The following GSTCD variants were observed in gnomAD, a reference collection of about 807,000 sequenced individuals.
GSTCD encodes glutathione S-transferase C-terminal domain containing, also known as glutathione S-transferase C-terminal domain-containing protein.
Under a neutral mutation model 68.3 loss-of-function variants are expected in GSTCD, and 44 were observed. The observed-to-expected ratio is 0.64, with a 90% CI of 0.51 to 0.83. The LOEUF is 0.83. Ranked by LOEUF, GSTCD falls within the 40% of genes least tolerant of loss-of-function variation. The pLI, the probability that GSTCD is intolerant of heterozygous loss-of-function variation, is 0.00. For missense variants in GSTCD, 739 were observed against 735.9 expected, an observed-to-expected ratio of 1.00 and a Z score of -0.05; for synonymous variants, 273 against 255.2, an observed-to-expected ratio of 1.07 and a Z score of -0.67.
intron 8 of GSTCD, among the ~76,000 whole-genome samples, chr4:105,828,791 A>G (rs1723773201): frequency 6.6e-6 from 1 of 152,220 alleles, no homozygotes; most frequent in South Asian, 2.1e-4. Context: ...CAGAAACCTC[A>G]GAGGAAATGA....
At chr4:105,736,606 G>A (rs967595623) in intron 5 of GSTCD, among the ~76,000 whole-genome samples, 2 of 152,052 alleles carry the variant, frequency 1.3e-5, no homozygotes, top group Admixed American at 6.5e-5. Context: ...TTTGTGTTAG[G>A]AACAGTCAAA....
At chr4:105,745,031 A>C (rs1026064069) in intron 5 of GSTCD, among the ~76,000 whole-genome samples, 1 of 152,226 alleles carries the variant, frequency 6.6e-6, no homozygotes, top group Non-Finnish European at 1.5e-5. Flanking sequence ...ATACAGATAC[A>C]TCTAATTCAA....
Position 105,814,378 on chromosome 4 carries a change from C to T in GSTCD, c.1241-8576C>T, listed in dbSNP as rs575164192. The stretch of plus-strand genomic sequence containing the variant: ...CTGTAATCCCAGCACTTTGGGAGGC[C>T]GAGGCTGTTGGATCACCTGAGGTCA... On this transcript the variant is annotated intron_variant, in intron 5 of 11. Coordinates refer to ENST00000515279, the MANE Select transcript of GSTCD (RefSeq NM_001370181.1). Among the ~76,000 whole-genome samples the T allele has an allele frequency of 1.7e-3, 262 of 152,154 alleles. 1 individual carries two copies. The highest frequency in any genetic ancestry group is 2.8e-3 in the Non-Finnish European group (193 of 67,988).
chr4:105,765,277 A>G (rs945598205), intron 5 of GSTCD, among the ~76,000 whole-genome samples: 1 of 152,212 alleles, frequency 6.6e-6, no homozygotes, highest in African/African-American at 2.4e-5. Context: ...GGTAAAACTC[A>G]TTTGATCAGT....
chr4:105,720,377 T>G (rs531269145), intron 3 of GSTCD, among the ~76,000 whole-genome samples: 52 of 152,322 alleles, frequency 3.4e-4, no homozygotes, highest in Non-Finnish European at 5.7e-4. Context: ...TTTTCCCTAC[T>G]AAGGAATCAG....
At chr4:105,716,726 T>C (rs1461846209) in intron 1 of GSTCD, among the ~76,000 whole-genome samples, 1 of 152,196 alleles carries the variant, frequency 6.6e-6, no homozygotes, top group Non-Finnish European at 1.5e-5. Context: ...ATGAAACTGG[T>C]CCGTGGTGCC....
intron 5 of GSTCD, among the ~76,000 whole-genome samples, chr4:105,755,759 AG>A (rs1734166261): frequency 6.6e-6 from 1 of 152,248 alleles, no homozygotes; most frequent in Admixed American, 6.5e-5. Context: ...AAGTCTGGAA[AG>A]GTAATCCAAG....
At chr4:105,812,759 C>G (rs1722808112) in intron 5 of GSTCD, among the ~76,000 whole-genome samples, 1 of 151,986 alleles carries the variant, frequency 6.6e-6, no homozygotes, top group South Asian at 2.1e-4. Flanking sequence ...TAGCATGTCT[C>G]TCATGCTGAT....
At chr4:105,762,720 A>C (rs761724873) in intron 5 of GSTCD, among the ~76,000 whole-genome samples, 2 of 152,180 alleles carry the variant, frequency 1.3e-5, no homozygotes, top group Non-Finnish European at 2.9e-5. Flanking sequence ...TCTCAGTTTT[A>C]AATTGATTCA....
intron 3 of GSTCD, 101 bp from the exon 4 acceptor site, chr4:105,726,478 T>G (rs1214319010): frequency 2.8e-6 from 2 of 718,570 alleles, no homozygotes; most frequent in East Asian, 5.4e-5. Flanking sequence ...GTTTGAACTA[T>G]ACACTTAAAT....
chr4:105,789,550 C>T (rs760120295), intron 5 of GSTCD, among the ~76,000 whole-genome samples: 2 of 152,012 alleles, frequency 1.3e-5, no homozygotes, highest in Non-Finnish European at 2.9e-5. Context: ...TTAGTTGCTA[C>T]GGGCCTCTCT....
At chr4:105,792,788 T>C (rs1356044601) in intron 5 of GSTCD, among the ~76,000 whole-genome samples, 1 of 152,046 alleles carries the variant, frequency 6.6e-6, no homozygotes, top group Non-Finnish European at 1.5e-5. Flanking sequence ...TTTTTTAGAA[T>C]TGTGAATCTT....
At chr4:105,736,474 T>C (rs1733467348) in intron 5 of GSTCD, among the ~76,000 whole-genome samples, 1 of 152,086 alleles carries the variant, frequency 6.6e-6, no homozygotes, top group African/African-American at 2.4e-5. Flanking sequence ...TATTTTTTCA[T>C]TGACACATAG....
intron 5 of GSTCD, among the ~76,000 whole-genome samples, chr4:105,762,865 G>A (rs62317671): frequency 0.12 from 18,788 of 152,052 alleles, 1,567 homozygotes; most frequent in Non-Finnish European, 0.18. Context: ...ATTTTGAAAG[G>A]TCAGTTAGTC....
At chr4:105,757,729 T>C (rs1298800073) in intron 5 of GSTCD, among the ~76,000 whole-genome samples, 1 of 152,196 alleles carries the variant, frequency 6.6e-6, no homozygotes, top group Non-Finnish European at 1.5e-5. Flanking sequence ...TATTTAATTG[T>C]AAATGCTGCA....
chr4:105,819,686 G>C (rs1723182524), intron 5 of GSTCD, among the ~76,000 whole-genome samples: 1 of 151,648 alleles, frequency 6.6e-6, no homozygotes, highest in Non-Finnish European at 1.5e-5. Context: ...ATTTGTGGTT[G>C]TCGTCTTCCC....
chr4:105,797,070 GTGTGTGTGTA>G (rs1361976424), intron 5 of GSTCD, among the ~76,000 whole-genome samples: 1 of 151,564 alleles, frequency 6.6e-6, no homozygotes, highest in Non-Finnish European at 1.5e-5. Context: ...GTGTGTGTGT[GTGTGTGTGTA>G]TGTGTGTGTG....
At chr4:105,729,308 C>T (rs111423857) in intron 4 of GSTCD, 98 bp from the exon 5 acceptor site, 1 of 570,090 alleles carries the variant, frequency 1.8e-6, no homozygotes, top group Non-Finnish European at 3.0e-6. Context: ...TATTTATCCT[C>T]CTCCTTACCA....
chr4:105,759,348 C>A (rs1734314979), intron 5 of GSTCD, among the ~76,000 whole-genome samples: 1 of 152,052 alleles, frequency 6.6e-6, no homozygotes, highest in African/African-American at 2.4e-5. Context: ...TAACCTACAT[C>A]TAGGAGGCAG....
Sources: gnomAD v4.1 joint callset for allele counts (sites outside exome capture counted in the v4.1 genomes callset) on GRCh38, gnomAD v4.1.1 for gene constraint, MANE v1.5 for transcripts, NCBI Gene and HGNC (gene_info 2026-07-23, HGNC 2026-07-21) for gene names.